Variants in NBPF4 observed in about 807,000 individuals in gnomAD.
NBPF4 encodes the protein NBPF member 4.
NBPF4 carries 11 observed loss-of-function variants against 21.1 expected under a neutral mutation model. That is an observed-to-expected ratio of 0.52 (90% CI 0.33 to 0.86). NBPF4 has a LOEUF of 0.86. Ranked by LOEUF, NBPF4 falls within the 40% of genes least tolerant of loss-of-function variation. The pLI is 0.03. For missense variants in NBPF4, 88 were observed against 265.3 expected, an observed-to-expected ratio of 0.33 and a Z score of 4.64; for synonymous variants, 47 against 106.4, an observed-to-expected ratio of 0.44 and a Z score of 3.43.
At chr1:108,259,841 T>C in the NBPF4 span, among the ~76,000 whole-genome samples, 2 of 150,960 alleles carry the variant, frequency 1.3e-5, no homozygotes, top group Non-Finnish European at 2.9e-5. Flanking sequence ...TTTGTGAGCA[T>C]CATTAATATT....
chr1:108,257,698 C>T, the NBPF4 span, among the ~76,000 whole-genome samples: 1 of 140,368 alleles, frequency 7.1e-6, no homozygotes, highest in Non-Finnish European at 1.5e-5. Flanking sequence ...TCCATATATG[C>T]ATTGGTTTAT....
Position 108,229,008 on chromosome 1 carries a change from A to G in NBPF4, c.1572T>C (p.Cys524=), listed in dbSNP as rs1468414895. The change falls in exon 13 of 15, where the codon TGT becomes TGC. Residue 524 remains cysteine, a synonymous_variant. Transcript: ENST00000415641. ...LRLQLDQGFH[C]GNGLAQRGLS... ...GGCCCCGCTGGGCCAAGCCGTTCCC[A>G]CAGTGGAACCCTTGATCCAGCTGTA... is the stretch of plus-strand genomic sequence containing the variant. 1 of 1,546,168 alleles carries G rather than the reference A, an allele frequency of 6.5e-7. No individual in the cohort carries two copies. The highest frequency in any genetic ancestry group is 2.5e-5 in the East Asian group (1 of 40,812).
chr1:108,259,649 G>C, the NBPF4 span, among the ~76,000 whole-genome samples: 2 of 144,710 alleles, frequency 1.4e-5, no homozygotes, highest in Non-Finnish European at 3.0e-5. Flanking sequence ...GAGGCAGGAG[G>C]ATCACTGGAG....
At chr1:108,244,901 G>GATAGATATATAT (rs1389900748), upstream of NBPF4, among the ~76,000 whole-genome samples, 1 of 12,446 alleles carries the variant, frequency 8.0e-5, no homozygotes, top group Non-Finnish European at 1.5e-4. Context: ...TATTGTTGGA[G>GATAGATATATAT]ATATATATAT....
chr1:108,229,046 T>A lies in NBPF4; in HGVS notation c.1534A>T (p.Ser512Cys). The change falls in exon 13 of 15, where the codon AGT becomes TGT. Residue 512 changes from serine (S) to cysteine (C), a missense_variant. Physicochemically the swap from Ser to Cys is moderately radical, Grantham distance 112. Coordinates refer to ENST00000415641, the MANE Select transcript of NBPF4 (RefSeq NM_001143989.3). Reference sequence around the variant, plus strand: ...TGATCCAGCTGTAGTCGCAGACAACTGGGCACCAGGGTGCTTGGTTCCAGC... The same window carrying A: ...TGATCCAGCTGTAGTCGCAGACAACAGGGCACCAGGGTGCTTGGTTCCAGC... ...AQLEPSTLVP[S>C]CLRLQLDQGF... 1 of 1,550,800 alleles carries A rather than the reference T, an allele frequency of 6.4e-7. No individual in the cohort carries two copies. Among genetic ancestry groups the A allele is most frequent in the Non-Finnish European group, 8.7e-7 (1 of 1,146,428 alleles).
upstream of NBPF4, among the ~76,000 whole-genome samples, chr1:108,247,502 T>C (rs1649874656): frequency 6.6e-6 from 1 of 152,320 alleles, no homozygotes; most frequent in Non-Finnish European, 1.5e-5. Context: ...GGGATGATTC[T>C]GTTTTGCTGA....
chr1:108,267,912 GTTAT>G, the NBPF4 span, among the ~76,000 whole-genome samples: 8 of 109,104 alleles, frequency 7.3e-5, no homozygotes, highest in African/African-American at 1.7e-4. Flanking sequence ...TGGTATAGAG[GTTAT>G]TTGTTTGTTT....
upstream of NBPF4, among the ~76,000 whole-genome samples, chr1:108,247,830 G>GC (rs1354411884): frequency 1.9e-5 from 2 of 107,996 alleles, no homozygotes; most frequent in African/African-American, 6.6e-5. Context: ...AGTGTGAGAT[G>GC]CTTTTTTTTT....
chr1:108,257,550 A>T, the NBPF4 span, among the ~76,000 whole-genome samples: 3 of 148,022 alleles, frequency 2.0e-5, no homozygotes, highest in Admixed American at 2.0e-4. Flanking sequence ...GGAGTGACAC[A>T]CGAATCTGAT....
intron 3 of NBPF4, among the ~76,000 whole-genome samples, chr1:108,241,379 T>C (rs1303216129): frequency 3.5e-5 from 5 of 143,272 alleles, no homozygotes; most frequent in Non-Finnish European, 4.5e-5. Context: ...TATACAAACA[T>C]ACACACACAT....
At chr1:108,234,155 TC>T (rs1293042728) in intron 10 of NBPF4, 86 bp downstream of exon 10, 4 of 12,088 alleles carry the variant, frequency 3.3e-4, no homozygotes, top group African/African-American at 1.0e-3. Context: ...CACATCTCAG[TC>T]CAGCCAGGGA....
At chr1:108,257,762 C>CTTTTTTTTTTTTTTTTTT in the NBPF4 span, among the ~76,000 whole-genome samples, 135 of 54,712 alleles carry the variant, frequency 2.5e-3, 1 homozygote, top group East Asian at 3.2e-3. Context: ...CTTTTCTTTT[C>CTTTTTTTTTTTTTTTTTT]TTTTTTTTTT....
At chr1:108,266,263 C>A in the NBPF4 span, among the ~76,000 whole-genome samples, 11 of 141,002 alleles carry the variant, frequency 7.8e-5, no homozygotes, top group African/African-American at 2.9e-4. Flanking sequence ...TCATGTACCT[C>A]AGCCTCCCAA....
Position 108,223,495 on chromosome 1 carries a change from G to T in NBPF4, c.*210C>A. 1 of 615,056 alleles carries T rather than the reference G, an allele frequency of 1.6e-6. No individual in the cohort carries two copies. Among genetic ancestry groups the T allele is most frequent in the Non-Finnish European group, 2.9e-6 (1 of 343,598 alleles). 38.1% of individuals were successfully genotyped at this position (615,056 alleles called of 1,614,324 possible). ...ATGCTATTTGTCCATCTGGGCATTG[G>T]TCTCCCTAGGTATTGATCACAATTG... On this transcript the variant is annotated 3_prime_UTR_variant, in exon 15 of 15. Coordinates refer to ENST00000415641, the MANE Select transcript of NBPF4 (RefSeq NM_001143989.3).
At chr1:108,266,346 C>T in the NBPF4 span, among the ~76,000 whole-genome samples, 2 of 137,486 alleles carry the variant, frequency 1.5e-5, no homozygotes, top group Non-Finnish European at 3.2e-5. Context: ...TGGTCTTGAA[C>T]TCCTGACCTC....
At chr1:108,259,955 T>C in the NBPF4 span, among the ~76,000 whole-genome samples, 1 of 132,664 alleles carries the variant, frequency 7.5e-6, no homozygotes, top group Non-Finnish European at 1.6e-5. Context: ...TGTGCTGTTG[T>C]GCTAATCCCT....
the NBPF4 span, among the ~76,000 whole-genome samples, chr1:108,256,578 CT>C: frequency 5.3e-5 from 5 of 94,684 alleles, no homozygotes; most frequent in Admixed American, 4.6e-4. Flanking sequence ...CTCCCCTCCC[CT>C]CCCTCCCTCT....
In NBPF4 at chr1:108,226,701, C is replaced by T; in HGVS notation, c.1853G>A (p.Gly618Asp). 7.3e-7 allele frequency: 1 copy of T among 1,372,414 alleles called. No individual in the cohort carries two copies. Among genetic ancestry groups the T allele is most frequent in the Non-Finnish European group, 9.8e-7 (1 of 1,017,596 alleles). 85.0% of individuals were successfully genotyped at this position (1,372,414 alleles called of 1,614,324 possible). A position where few individuals can be genotyped will look rare whatever the true frequency, so the allele number is the denominator to read the frequency against. Reference sequence around the variant, plus strand: ...TACCTCTGCGCTCTCAGCATGCGGGCCAGCGAATCTGAATGCCAGTCTCCA... The same window carrying T: ...TACCTCTGCGCTCTCAGCATGCGGGTCAGCGAATCTGAATGCCAGTCTCCA... The part of the protein sequence containing the change: ...SKWRLAFRFA[G>D]PHAESAEIPN... The change falls in exon 14 of 15, where the codon GGC becomes GAC. Residue 618 changes from glycine (G) to aspartate (D), a missense_variant. Gly to Asp is a moderately conservative substitution (Grantham distance 94). Around this residue, in one of 4 missense-constraint regions of NBPF4, gnomAD observed 11 missense variants for 113.0 expected, o/e 0.10. Coordinates refer to ENST00000415641, the MANE Select transcript of NBPF4 (RefSeq NM_001143989.3).
the NBPF4 span, among the ~76,000 whole-genome samples, chr1:108,264,587 A>AT: frequency 7.0e-5 from 6 of 85,582 alleles, no homozygotes; most frequent in East Asian, 3.3e-4. Context: ...CAGAATATAC[A>AT]TTTTTTTTGG....
Sources: allele counts gnomAD v4.1 joint callset (sites outside exome capture counted in the v4.1 genomes callset), GRCh38; gene constraint gnomAD v4.1.1; regional missense constraint gnomAD v4.1.1; transcripts MANE v1.5; gene names NCBI Gene and HGNC (gene_info 2026-07-23, HGNC 2026-07-21).